The following TRAPPC9 variants were observed in gnomAD, a reference collection of about 807,000 sequenced individuals.
The protein encoded by TRAPPC9 is IKK2 binding protein.
Under a neutral mutation model 124.0 loss-of-function variants are expected in TRAPPC9, and 83 were observed. The ratio of observed to expected loss-of-function variants is 0.67; its 90% CI spans 0.56 to 0.80. The LOEUF (loss-of-function observed/expected upper bound fraction) is 0.80, where lower values mean the gene tolerates loss of function less well. Among genes scored for constraint, TRAPPC9 ranks in the 30% least tolerant of loss-of-function variants. TRAPPC9 has a pLI of 0.00. For synonymous variants in TRAPPC9, 638 were observed against 617.5 expected (o/e 1.03, Z -0.49); for missense variants, 1,302 against 1,508.3 (o/e 0.86, Z 2.27).
chr8:140,141,121 A>G (rs2061375691), intron 17 of TRAPPC9, among the ~76,000 whole-genome samples: 1 of 152,252 alleles, frequency 6.6e-6, no homozygotes, highest in Non-Finnish European at 1.5e-5. Context: ...CATTAAAAGC[A>G]TGGGGAATTC....
intron 17 of TRAPPC9, among the ~76,000 whole-genome samples, chr8:140,142,079 C>A (rs1233215478): frequency 6.6e-6 from 1 of 152,190 alleles, no homozygotes; most frequent in Non-Finnish European, 1.5e-5. Flanking sequence ...AGCATTCATG[C>A]TGGGGCAGTC....
chr8:140,025,285 C>T (rs937529964), intron 17 of TRAPPC9, among the ~76,000 whole-genome samples: 1 of 152,112 alleles, frequency 6.6e-6, no homozygotes, highest in Non-Finnish European at 1.5e-5. Context: ...CAGATCCAGC[C>T]CATGGACCAA....
intron 17 of TRAPPC9, among the ~76,000 whole-genome samples, chr8:140,056,469 A>T (rs1161193958): frequency 3.9e-5 from 6 of 152,034 alleles, no homozygotes; most frequent in Non-Finnish European, 7.4e-5. Context: ...ACTGACAGAC[A>T]TATGAGATCA....
At chr8:140,122,439 T>C (rs749927987) in intron 17 of TRAPPC9, among the ~76,000 whole-genome samples, 1 of 152,204 alleles carries the variant, frequency 6.6e-6, no homozygotes, top group Non-Finnish European at 1.5e-5. Flanking sequence ...GACAAGTTGT[T>C]AGAAAGCAAT....
At chr8:139,850,549 C>T (rs1586984124) in intron 21 of TRAPPC9, among the ~76,000 whole-genome samples, 1 of 152,196 alleles carries the variant, frequency 6.6e-6, no homozygotes, top group Non-Finnish European at 1.5e-5. Flanking sequence ...TGCTAATATA[C>T]ATGCCAATGC....
chr8:140,123,517 A>G (rs11991763), intron 17 of TRAPPC9, among the ~76,000 whole-genome samples: 3,686 of 152,148 alleles, frequency 0.024, 142 homozygotes, highest in African/African-American at 0.084. Flanking sequence ...CCACTCTGCC[A>G]TGGGCATCTG....
chr8:140,228,816 T>C (rs187538889), intron 16 of TRAPPC9, among the ~76,000 whole-genome samples: 2 of 152,160 alleles, frequency 1.3e-5, no homozygotes, highest in African/African-American at 2.4e-5. Context: ...AAATATTTTT[T>C]AAAAACTAAA....
At chr8:140,457,999 G>A (rs572100610), upstream of TRAPPC9, among the ~76,000 whole-genome samples, 19 of 135,818 alleles carry the variant, frequency 1.4e-4, no homozygotes, top group Admixed American at 2.2e-4. Flanking sequence ...AGCGGGGACG[G>A]GGAGGGAGGA....
intron 21 of TRAPPC9, among the ~76,000 whole-genome samples, chr8:139,840,508 A>C (rs1563854615): frequency 6.6e-6 from 1 of 152,212 alleles, no homozygotes; most frequent in African/African-American, 2.4e-5. Flanking sequence ...GTGGACGTTG[A>C]TGAGGAAACT....
intron 21 of TRAPPC9, among the ~76,000 whole-genome samples, chr8:139,803,181 T>C (rs1245699870): frequency 6.6e-6 from 1 of 151,808 alleles, no homozygotes; most frequent in East Asian, 1.9e-4. Context: ...GTTGTGTATG[T>C]CATTGTGTGT....
At chr8:139,735,666 T>G (rs56362843) in intron 21 of TRAPPC9, among the ~76,000 whole-genome samples, 2,742 of 146,196 alleles carry the variant, frequency 0.019, 59 homozygotes, top group African/African-American at 0.058. Flanking sequence ...CTGTTTTTTT[T>G]TTTTGTTTTG....
At chr8:139,736,272 G>T (rs944164467) in intron 21 of TRAPPC9, among the ~76,000 whole-genome samples, 1 of 152,192 alleles carries the variant, frequency 6.6e-6, no homozygotes, top group Admixed American at 6.5e-5. Flanking sequence ...ATCCCAGTTT[G>T]CCCAGGGCTA....
At chr8:140,166,716 G>A (rs976819310) in intron 17 of TRAPPC9, among the ~76,000 whole-genome samples, 4 of 152,194 alleles carry the variant, frequency 2.6e-5, no homozygotes, top group Non-Finnish European at 4.4e-5. Context: ...GCAGCTCTGC[G>A]GAATGGGAGT....
At chr8:139,949,642 C>A (rs906054092) in intron 19 of TRAPPC9, among the ~76,000 whole-genome samples, 5 of 151,972 alleles carry the variant, frequency 3.3e-5, no homozygotes, top group Non-Finnish European at 5.9e-5. Context: ...AGCAGCCAGT[C>A]ACAACAGAAC....
At chr8:140,374,821 A>AG (rs932399680) in intron 7 of TRAPPC9, among the ~76,000 whole-genome samples, 2 of 152,214 alleles carry the variant, frequency 1.3e-5, no homozygotes, top group Non-Finnish European at 2.9e-5. Context: ...CCAATGCGTT[A>AG]GAACTCCCAT....
chr8:140,125,313 A>C (rs1230594578), intron 17 of TRAPPC9, among the ~76,000 whole-genome samples: 2 of 152,210 alleles, frequency 1.3e-5, no homozygotes, highest in African/African-American at 2.4e-5. Context: ...AGGCACCGAA[A>C]GGAGTGCTGC....
At chr8:139,759,757 C>T (rs1352083049) in intron 21 of TRAPPC9, among the ~76,000 whole-genome samples, 1 of 152,218 alleles carries the variant, frequency 6.6e-6, no homozygotes, top group Non-Finnish European at 1.5e-5. Flanking sequence ...CCAGTGCTCC[C>T]AGGAGGGCTG....
chr8:140,266,361 G>A lies in TRAPPC9; in HGVS notation c.2278+9297C>T, dbSNP rs1170336681. Among the ~76,000 whole-genome samples the A allele has an allele frequency of 4.6e-5, 7 of 152,000 alleles. 1 individual carries two copies. The highest frequency in any genetic ancestry group is 4.2e-4 in the South Asian group (2 of 4,808). On this transcript the variant is annotated intron_variant, in intron 15 of 22. Coordinates refer to ENST00000438773, the MANE Select transcript of TRAPPC9 (RefSeq NM_001160372.4). ...ACCTGGAGTCCCAGCTACTTGGAAC[G>A]CTAAGGCAGGAGAATCGCTTAAACC...
intron 7 of TRAPPC9, among the ~76,000 whole-genome samples, chr8:140,380,398 A>G (rs1482782796): frequency 6.6e-6 from 1 of 152,178 alleles, no homozygotes; most frequent in East Asian, 1.9e-4. Context: ...TCACGGCTGT[A>G]ATCCCAGCGC....
Sources: gnomAD v4.1 joint callset for allele counts (sites outside exome capture counted in the v4.1 genomes callset) on GRCh38, gnomAD v4.1.1 for gene constraint, MANE v1.5 for transcripts, NCBI Gene and HGNC (gene_info 2026-07-23, HGNC 2026-07-21) for gene names.